Variants in EYS observed in about 807,000 individuals in gnomAD.
The protein encoded by EYS is protein eyes shut homolog.
Under a neutral mutation model 282.1 loss-of-function variants are expected in EYS, and 250 were observed. The ratio of observed to expected loss-of-function variants is 0.89; its 90% confidence interval spans 0.80 to 0.98. The LOEUF (loss-of-function observed/expected upper bound fraction) is 0.98. Among genes scored for constraint, EYS ranks in the 50% least tolerant of loss-of-function variants. The pLI, the probability that EYS is intolerant of heterozygous loss-of-function variation, is 0.00. For missense variants in EYS, 4,016 were observed against 3,709.0 expected (o/e 1.08, Z -2.15); for synonymous variants, 1,355 against 1,282.9 (o/e 1.06, Z -1.20).
intron 29 of EYS, among the ~76,000 whole-genome samples, chr6:64,383,709 A>G (rs1201025659): frequency 6.6e-6 from 1 of 152,202 alleles, no homozygotes; most frequent in Non-Finnish European, 1.5e-5. Flanking sequence ...CTTTTTACAC[A>G]TTGTTGGACA....
At chr6:64,354,039 G>A (rs1047505075) in intron 29 of EYS, among the ~76,000 whole-genome samples, 1 of 151,482 alleles carries the variant, frequency 6.6e-6, no homozygotes, top group Non-Finnish European at 1.5e-5. Context: ...TCTTGTTGGT[G>A]GCAGAAAACA....
intron 22 of EYS, among the ~76,000 whole-genome samples, chr6:64,795,086 T>C (rs938210570): frequency 6.6e-6 from 1 of 151,872 alleles, no homozygotes; most frequent in Non-Finnish European, 1.5e-5. Context: ...AATTCAAAAA[T>C]TAGCTGGGCA....
At chr6:64,440,819 TAA>T (rs560463587) in intron 26 of EYS, among the ~76,000 whole-genome samples, 1 of 151,780 alleles carries the variant, frequency 6.6e-6, no homozygotes, top group Non-Finnish European at 1.5e-5. Flanking sequence ...TTGATGAAAT[TAA>T]AAAAAATTAC....
chr6:64,428,525 A>G lies in EYS; in HGVS notation c.5927+7649T>C, dbSNP rs148814913. On this transcript the variant is annotated intron_variant, in intron 28 of 42. Transcript: ENST00000503581. The stretch of plus-strand genomic sequence containing the variant: ...AGTAAAAAACATCATCAAAAACAAG[A>G]CATATTTCAGGTAAAATTGAAGGAC... 4.6e-3 allele frequency among the ~76,000 whole-genome samples: 698 copies of G among 152,252 alleles called. 4 individuals are homozygous for G. The highest frequency in any genetic ancestry group is 0.016 in the African/African-American group (665 of 41,576).
At chr6:64,536,148 T>C (rs1031799335) in intron 26 of EYS, among the ~76,000 whole-genome samples, 1 of 152,160 alleles carries the variant, frequency 6.6e-6, no homozygotes, top group Non-Finnish European at 1.5e-5. Flanking sequence ...TTATAGTGTG[T>C]ATTTTCATTC....
At chr6:64,927,066 A>G (rs1162993693) in intron 15 of EYS, among the ~76,000 whole-genome samples, 1 of 152,220 alleles carries the variant, frequency 6.6e-6, no homozygotes, top group Non-Finnish European at 1.5e-5. Context: ...TGGCTTTGCA[A>G]TAGGTATAGA....
At chr6:64,903,052 T>A (rs1390616033) in intron 16 of EYS, among the ~76,000 whole-genome samples, 1 of 152,080 alleles carries the variant, frequency 6.6e-6, no homozygotes, top group African/African-American at 2.4e-5. Flanking sequence ...TACAGGCTGA[T>A]AAACAAGACA....
chr6:64,500,895 T>TAA (rs747623322), intron 26 of EYS, among the ~76,000 whole-genome samples: 3 of 152,148 alleles, frequency 2.0e-5, no homozygotes, highest in Admixed American at 1.3e-4. Context: ...ATTGATTGCA[T>TAA]AACATTGATT....
chr6:64,033,811 T>C (rs936946177), intron 33 of EYS, among the ~76,000 whole-genome samples: 1 of 148,006 alleles, frequency 6.8e-6, no homozygotes, highest in Admixed American at 6.8e-5. Context: ...AAAGTAATTC[T>C]GACACAAATG....
chr6:64,629,187 T>C (rs1767703884), intron 22 of EYS, among the ~76,000 whole-genome samples: 1 of 152,146 alleles, frequency 6.6e-6, no homozygotes, highest in Non-Finnish European at 1.5e-5. Context: ...AAACTATACC[T>C]CAATTTAGGT....
intron 2 of EYS, among the ~76,000 whole-genome samples, chr6:65,564,448 A>G (rs1292249479): frequency 6.6e-6 from 1 of 152,184 alleles, no homozygotes; most frequent in Non-Finnish European, 1.5e-5. Context: ...GGAACAGAAC[A>G]GAGGCCTCAG....
chr6:63,845,114 G>A (rs1772064793), intron 36 of EYS, among the ~76,000 whole-genome samples: 1 of 152,122 alleles, frequency 6.6e-6, no homozygotes, highest in South Asian at 2.1e-4. Flanking sequence ...CAAGGAAGGA[G>A]ACACAAAATA....
At chr6:63,816,772 G>A (rs975481660) in intron 36 of EYS, among the ~76,000 whole-genome samples, 1 of 152,210 alleles carries the variant, frequency 6.6e-6, no homozygotes, top group African/African-American at 2.4e-5. Flanking sequence ...CACGTGCTAC[G>A]TGGCCAAAAT....
At chr6:65,353,749 C>G in intron 8 of EYS, 132 bp from the exon 9 acceptor site, 1 of 679,950 alleles carries the variant, frequency 1.5e-6, no homozygotes, top group East Asian at 2.8e-5. Flanking sequence ...ACTTTTTATA[C>G]TTCTCTTTAT....
intron 26 of EYS, among the ~76,000 whole-genome samples, chr6:64,448,106 G>A (rs1260338675): frequency 1.3e-5 from 2 of 152,206 alleles, no homozygotes; most frequent in Non-Finnish European, 2.9e-5. Context: ...CCCTTTCCTA[G>A]TCAAAGAAAG....
intron 23 of EYS, among the ~76,000 whole-genome samples, chr6:64,618,766 A>G (rs1057284875): frequency 6.6e-6 from 1 of 152,150 alleles, no homozygotes; most frequent in Non-Finnish European, 1.5e-5. Flanking sequence ...CCACTTTGCA[A>G]TGCTCTTTCA....
At chr6:65,670,281 A>T (rs1424491780) in intron 1 of EYS, among the ~76,000 whole-genome samples, 1 of 152,072 alleles carries the variant, frequency 6.6e-6, no homozygotes, top group Admixed American at 6.6e-5. Context: ...ATGGAACCAA[A>T]GAACTTCTGT....
Position 64,568,609 on chromosome 6 carries a change from C to T in EYS, c.5644+21614G>A, listed in dbSNP as rs1288115768. On this transcript the variant is annotated intron_variant, in intron 26 of 42. Transcript: ENST00000503581. ...ACTCTGAAGAGAGAAGCGGATCTCCCAGCACAGCGCTTGAGCTCTGCTAAG... is the reference window on the plus strand; with the variant it reads ...ACTCTGAAGAGAGAAGCGGATCTCCTAGCACAGCGCTTGAGCTCTGCTAAG... Among the ~76,000 whole-genome samples, 5 of 152,252 alleles carry T rather than the reference C, an allele frequency of 3.3e-5. No individual in the cohort carries two copies. The South Asian group carries it at 6.2e-4, about 19-fold the overall frequency.
intron 31 of EYS, among the ~76,000 whole-genome samples, chr6:64,172,368 C>T (rs576404262): frequency 1.3e-5 from 2 of 152,182 alleles, no homozygotes; most frequent in South Asian, 2.1e-4. Context: ...ACACATTGAC[C>T]AGAAACCCCA....
Sources: gnomAD v4.1 joint callset for allele counts (sites outside exome capture counted in the v4.1 genomes callset) on GRCh38, gnomAD v4.1.1 for gene constraint, MANE v1.5 for transcripts, NCBI Gene and HGNC (gene_info 2026-07-23, HGNC 2026-07-21) for gene names.